Variants in UACA observed in about 807,000 individuals in gnomAD.
UACA encodes the protein uveal autoantigen with coiled-coil domains and ankyrin repeats, also known as nuclear membrane binding protein.
In UACA, 112 loss-of-function variants were observed where a neutral mutation model predicts 160.5. That is an observed-to-expected ratio of 0.70 (90% CI 0.60 to 0.82). The LOEUF (loss-of-function observed/expected upper bound fraction) is 0.82, where lower values mean the gene tolerates loss of function less well. Among genes scored for constraint, UACA ranks in the 40% least tolerant of loss-of-function variants. UACA has a pLI of 0.00. For synonymous variants in UACA, 557 were observed against 568.4 expected (o/e 0.98, Z 0.29); for missense variants, 1,574 against 1,614.6 (o/e 0.97, Z 0.43).
At chr15:70,728,574 AG>A (rs375116837) in intron 1 of UACA, among the ~76,000 whole-genome samples, 1 of 151,060 alleles carries the variant, frequency 6.6e-6, no homozygotes, top group Non-Finnish European at 1.5e-5. Flanking sequence ...AAAAAAAAAA[AG>A]AAAAAAAAAA....
At chr15:70,672,788 G>A (rs752840821) in intron 13 of UACA, among the ~76,000 whole-genome samples, 26 of 151,974 alleles carry the variant, frequency 1.7e-4, no homozygotes, top group Admixed American at 1.4e-3. Flanking sequence ...GTGAGACCTC[G>A]TCCTTACAAA....
At chr15:70,722,763 G>A (rs1899029483) in intron 1 of UACA, among the ~76,000 whole-genome samples, 1 of 152,142 alleles carries the variant, frequency 6.6e-6, no homozygotes, top group African/African-American at 2.4e-5. Flanking sequence ...GCTTACTGAT[G>A]AATATTCCTG....
chr15:70,750,110 G>A (rs1478969176), intron 1 of UACA, among the ~76,000 whole-genome samples: 1 of 152,070 alleles, frequency 6.6e-6, no homozygotes, highest in Non-Finnish European at 1.5e-5. Flanking sequence ...TCTCCAACTT[G>A]GGCCCTCCTC....
intron 10 of UACA, 38 bp downstream of exon 10, chr15:70,679,570 G>T (rs748803459): frequency 3.5e-6 from 5 of 1,412,450 alleles, no homozygotes; most frequent in Admixed American, 3.7e-5. Context: ...TACTGGAATT[G>T]TTTTTAAAGG....
chr15:70,752,588 TA>T (rs2030155548), intron 1 of UACA, among the ~76,000 whole-genome samples: 1 of 150,804 alleles, frequency 6.6e-6, no homozygotes, highest in Admixed American at 6.6e-5. Flanking sequence ...CTCTCTCTAG[TA>T]AAGAGAAAAT....
At chr15:70,702,347 G>C in intron 1 of UACA, 3 of 986,158 alleles carry the variant, frequency 3.0e-6, no homozygotes, top group Non-Finnish European at 3.6e-6. Flanking sequence ...AAACAGCGTG[G>C]AGCCTGTCTC....
intron 1 of UACA, among the ~76,000 whole-genome samples, chr15:70,756,131 G>C (rs2141016066): frequency 1.3e-5 from 2 of 151,638 alleles, no homozygotes; most frequent in Non-Finnish European, 2.9e-5. Context: ...AAATACAACA[G>C]TATCACAAAA....
intron 9 of UACA, chr15:70,680,034 TA>T (rs11333471): frequency 0.69 from 97,294 of 141,594 alleles, 34,176 homozygotes; most frequent in Admixed American, 0.8. Context: ...GAACTCAACT[TA>T]AAAAAAAAAA....
the UACA span, among the ~76,000 whole-genome samples, chr15:70,775,707 G>A: frequency 2.6e-5 from 4 of 152,104 alleles, no homozygotes; most frequent in Non-Finnish European, 5.9e-5. Flanking sequence ...ACTGGATATA[G>A]AGATTGTCAG....
chr15:70,684,422 T>C lies in UACA; in HGVS notation c.627A>G (p.Glu209=). 6.2e-7 allele frequency: 1 copy of C among 1,611,294 alleles called. No homozygotes were observed. Among genetic ancestry groups the C allele is most frequent in the Non-Finnish European group, 8.5e-7 (1 of 1,179,140 alleles). The change falls in exon 8 of 19, where the codon GAA becomes GAG. Residue 209 remains glutamate, a synonymous_variant. Transcript: ENST00000322954. ...CTTCTACTGCATCTCTGCAACCATA[T>C]TCGCAACCTAGCATGAGGGCAGTTC... The part of the protein sequence containing the change: ...QNRTALMLGC[E]YGCRDAVEVL...
chr15:70,701,422 T>C (rs981678205), intron 1 of UACA, among the ~76,000 whole-genome samples: 2 of 152,250 alleles, frequency 1.3e-5, no homozygotes, highest in Non-Finnish European at 2.9e-5. Context: ...AACACACAAA[T>C]GCTTGTTCTA....
chr15:70,661,512 C>A (rs1896704606), intron 17 of UACA: 1 of 151,988 alleles, frequency 6.6e-6, no homozygotes, highest in Non-Finnish European at 1.5e-5. Flanking sequence ...ATCTGTAGGC[C>A]TACAGTGTTA....
At chr15:70,713,886 T>TA (rs987076120) in intron 1 of UACA, among the ~76,000 whole-genome samples, 2 of 152,014 alleles carry the variant, frequency 1.3e-5, no homozygotes, top group African/African-American at 2.4e-5. Flanking sequence ...TGAACCATGC[T>TA]AAAAAAACAA....
chr15:70,707,497 G>A (rs1289611410), intron 1 of UACA, among the ~76,000 whole-genome samples: 4 of 152,044 alleles, frequency 2.6e-5, no homozygotes, highest in East Asian at 3.9e-4. Context: ...TACAGAATGC[G>A]CAGAAATATT....
In UACA at chr15:70,669,316, T is replaced by C; in HGVS notation, c.1368A>G (p.Ala456=). Reference sequence around the variant, plus strand: ...TTTGGAGCTTCAGTCGGTCTTGTTTTGCTGACTCACAGAAAGTTCGCATTG... The same window carrying C: ...TTTGGAGCTTCAGTCGGTCTTGTTTCGCTGACTCACAGAAAGTTCGCATTG... ...LEAMRTFCES[A]KQDRLKLQNE... The change falls in exon 16 of 19, where the codon GCA becomes GCG. Residue 456 remains alanine (A), a synonymous_variant. Coordinates refer to ENST00000322954, the MANE Select transcript of UACA (RefSeq NM_018003.4). 6.2e-7 allele frequency: 1 copy of C among 1,614,156 alleles called. No homozygotes were observed. The highest frequency in any genetic ancestry group is 8.5e-7 in the Non-Finnish European group (1 of 1,179,994).
At position 70,667,469 on chromosome 15, in the gene UACA, A is replaced by G. The variant is rs201495100; in HGVS notation, c.3215T>C (p.Leu1072Ser). Reference sequence around the variant, plus strand: ...CGTGTATTTCTGTGACAAGTCTTTTAACTGTTTGTTTAGCTCGTCTGTTTT... The same window carrying G: ...CGTGTATTTCTGTGACAAGTCTTTTGACTGTTTGTTTAGCTCGTCTGTTTT... ...SRKTDELNKQ[L>S]KDLSQKYTEV... is the part of the protein sequence containing the mutation. Residue 1072 changes from leucine (L) to serine (S), a missense_variant, in exon 16 of 19, where the codon TTA becomes TCA. Coordinates refer to ENST00000322954, the MANE Select transcript of UACA (RefSeq NM_018003.4). 5.8e-5 allele frequency: 94 copies of G among 1,610,266 alleles called. No homozygotes were observed. The East Asian group carries it at 2.0e-3, about 35-fold the overall frequency.
intron 13 of UACA, 31 bp downstream of exon 13, chr15:70,676,461 GA>G: frequency 4.9e-6 from 7 of 1,419,502 alleles, no homozygotes; most frequent in Non-Finnish European, 6.9e-6. Context: ...TACCCATTAT[GA>G]ATTACAGGAA....
At chr15:70,737,164 G>A (rs534093621) in intron 1 of UACA, among the ~76,000 whole-genome samples, 4 of 152,244 alleles carry the variant, frequency 2.6e-5, no homozygotes, top group Non-Finnish European at 4.4e-5. Flanking sequence ...GGTGGCCATC[G>A]GGGCTGAGTG....
At position 70,728,575 on chromosome 15, in the gene UACA, G is replaced by GA. The variant is rs552367044; in HGVS notation, c.79-28916dup. Reference sequence around the variant, plus strand: ...CGAAACCCCATCTCAAAAAAAAAAAGAAAAAAAAAAAACATAGAAAAAAAA... The same window carrying GA: ...CGAAACCCCATCTCAAAAAAAAAAAGAAAAAAAAAAAAACATAGAAAAAAAA... On this transcript the variant is annotated intron_variant, in intron 1 of 18. Coordinates refer to ENST00000322954, the MANE Select transcript of UACA (RefSeq NM_018003.4). 3.1e-3 allele frequency among the ~76,000 whole-genome samples: 369 copies of GA among 118,218 alleles called. 1 individual carries two copies. Among genetic ancestry groups the GA allele is most frequent in the South Asian group, 6.4e-3 (24 of 3,752 alleles). The allele number at this position is 118,218 out of a possible 152,430, so 77.6% of individuals were successfully genotyped here. A position where few individuals can be genotyped will look rare whatever the true frequency, so the allele number is the denominator to read the frequency against.
Sources: gnomAD v4.1 joint callset for allele counts (sites outside exome capture counted in the v4.1 genomes callset) on GRCh38, gnomAD v4.1.1 for gene constraint, MANE v1.5 for transcripts, NCBI Gene and HGNC (gene_info 2026-07-23, HGNC 2026-07-21) for gene names.